Variants in COL19A1 observed in about 807,000 individuals in gnomAD.
The protein encoded by COL19A1 is collagen alpha-1(XIX) chain.
Under a neutral mutation model 190.2 loss-of-function variants are expected in COL19A1, and 159 were observed. The observed-to-expected ratio is 0.84, with a 90% CI of 0.73 to 0.95. The LOEUF is 0.95. COL19A1 is among the 40% of genes least tolerant of loss of function. The pLI is 0.00. For synonymous variants in COL19A1, 509 were observed against 458.9 expected (o/e 1.11, Z -1.39); for missense variants, 1,418 against 1,431.9 (o/e 0.99, Z 0.16).
At chr6:70,184,977 G>C (rs186497685) in intron 46 of COL19A1, 62 bp downstream of exon 46, 1 of 1,517,344 alleles carries the variant, frequency 6.6e-7, no homozygotes, top group Non-Finnish European at 9.0e-7. Flanking sequence ...CCCATCATTT[G>C]AGTTACACAA....
At chr6:70,021,129 T>C (rs2150103147) in intron 11 of COL19A1, among the ~76,000 whole-genome samples, 1 of 152,170 alleles carries the variant, frequency 6.6e-6, no homozygotes, top group East Asian at 1.9e-4. Flanking sequence ...TGAACCTTAT[T>C]TCACTACAGT....
At position 70,199,616 on chromosome 6, in the gene COL19A1, G is replaced by A. The variant is rs2150306393; in HGVS notation, c.3103G>A (p.Ala1035Thr). The change falls in exon 49 of 51, where the codon GCT becomes ACT. Residue 1035 changes from alanine to threonine, a missense_variant. Transcript: ENST00000620364. ...TTCTTCTATACATGAAGAGAGGATGGCTGTATTCCTATCCCAGCTCAAGCT... is the reference window on the plus strand; with the variant it reads ...TTCTTCTATACATGAAGAGAGGATGACTGTATTCCTATCCCAGCTCAAGCT... ...EVLRIFEERM[A>T]VFLSQLKLPA... is the part of the protein sequence containing the mutation. 2 of 1,595,638 alleles carry A rather than the reference G, an allele frequency of 1.3e-6. No homozygotes were observed. The highest frequency in any genetic ancestry group is 1.7e-6 in the Non-Finnish European group (2 of 1,169,436).
intron 2 of COL19A1, among the ~76,000 whole-genome samples, chr6:69,880,736 T>C (rs1051482602): frequency 6.6e-6 from 1 of 152,216 alleles, no homozygotes; most frequent in African/African-American, 2.4e-5. Flanking sequence ...GTGGCTGTCA[T>C]ACAATTTGGG....
chr6:69,921,444 TC>T (rs1298833510), intron 4 of COL19A1, among the ~76,000 whole-genome samples: 319 of 29,994 alleles, frequency 0.011, 9 homozygotes, highest in East Asian at 0.043. Context: ...ATCATATATA[TC>T]ATATATCATA....
intron 49 of COL19A1, among the ~76,000 whole-genome samples, chr6:70,202,211 T>A (rs1285035402): frequency 6.6e-6 from 1 of 152,168 alleles, no homozygotes; most frequent in Non-Finnish European, 1.5e-5. Flanking sequence ...TCATCCTGTC[T>A]GATGGTGGCT....
In COL19A1 at chr6:70,207,189, G is replaced by T. The variant is rs202027541; in HGVS notation, c.3344G>T (p.Gly1115Val). 1.2e-6 allele frequency: 2 copies of T among 1,613,132 alleles called. No homozygotes were observed. Among genetic ancestry groups the T allele is most frequent in the Admixed American group, 3.3e-5 (2 of 59,940 alleles). Reference sequence around the variant, plus strand: ...TCACCAGGTGCCCCAGGCCCACAGGGCCCCCCAGGACCCAGTGGAAGATGT... The same window carrying T: ...TCACCAGGTGCCCCAGGCCCACAGGTCCCCCCAGGACCCAGTGGAAGATGT... ...PGSPGAPGPQ[G>V]PPGPSGRCNP... The change falls in exon 51 of 51, where the codon GGC becomes GTC. Residue 1115 changes from glycine (G) to valine (V), a missense_variant. By Grantham distance (109) the Gly-to-Val change is moderately radical. Transcript: ENST00000620364.
intron 16 of COL19A1, among the ~76,000 whole-genome samples, chr6:70,104,985 A>G (rs1169230861): frequency 2.0e-5 from 3 of 152,194 alleles, no homozygotes; most frequent in Admixed American, 6.6e-5. Context: ...TCAATTCCGC[A>G]GACTTTAGTT....
At chr6:70,197,100 G>A (rs1767243905) in intron 48 of COL19A1, among the ~76,000 whole-genome samples, 1 of 152,016 alleles carries the variant, frequency 6.6e-6, no homozygotes, top group South Asian at 2.1e-4. Context: ...CGACATTGAA[G>A]GTATTTAAAC....
chr6:69,949,914 G>A (rs1774027729), intron 9 of COL19A1, among the ~76,000 whole-genome samples: 1 of 151,770 alleles, frequency 6.6e-6, no homozygotes, highest in Non-Finnish European at 1.5e-5. Flanking sequence ...CATAGAATAT[G>A]TATCTCAGGT....
intron 2 of COL19A1, among the ~76,000 whole-genome samples, chr6:69,880,108 A>T (rs1324354242): frequency 6.6e-6 from 1 of 152,224 alleles, no homozygotes; most frequent in Non-Finnish European, 1.5e-5. Context: ...TTCATTTTGT[A>T]GTATCTCAGA....
chr6:69,983,290 T>G (rs1220088743), intron 11 of COL19A1, among the ~76,000 whole-genome samples: 1 of 152,188 alleles, frequency 6.6e-6, no homozygotes, highest in Non-Finnish European at 1.5e-5. Context: ...TTGAATACTT[T>G]TAAATTTTAA....
Position 69,929,522 on chromosome 6 carries a change from T to G in COL19A1, c.488T>G (p.Leu163Arg). ...VLNYIFRNRE[L>R]RPLFDRQWHK... Reference sequence around the variant, plus strand: ...AACTACATTTTTAGAAATCGAGAACTCCGTCCTTTGTTTGATCGTCAGTGG... The same window carrying G: ...AACTACATTTTTAGAAATCGAGAACGCCGTCCTTTGTTTGATCGTCAGTGG... Residue 163 changes from leucine to arginine, a missense_variant, in exon 6 of 51, where the codon CTC becomes CGC. By Grantham distance (102) the Leu-to-Arg change is moderately radical. Transcript: ENST00000620364. The G allele has an allele frequency of 6.2e-7, 1 of 1,614,104 alleles. No homozygotes were observed. Among genetic ancestry groups the G allele is most frequent in the Non-Finnish European group, 8.5e-7 (1 of 1,179,988 alleles).
At chr6:69,918,240 A>G (rs1771443065) in intron 4 of COL19A1, among the ~76,000 whole-genome samples, 3 of 152,316 alleles carry the variant, frequency 2.0e-5, no homozygotes, top group East Asian at 1.9e-4. Context: ...TTAAAAGCTC[A>G]TTCTAGCTGC....
intron 4 of COL19A1, among the ~76,000 whole-genome samples, chr6:69,900,574 A>G (rs1424787705): frequency 6.6e-6 from 1 of 152,174 alleles, no homozygotes; most frequent in African/African-American, 2.4e-5. Flanking sequence ...TCATTAGAGA[A>G]CAGTAATTAA....
rs563239591 is a variant in COL19A1 at position 69,918,931 on chromosome 6, A to G, written c.267-8978A>G. Among the ~76,000 whole-genome samples the G allele has an allele frequency of 2.9e-3, 436 of 152,296 alleles. 1 individual carries two copies. Among genetic ancestry groups the G allele is most frequent in the Non-Finnish European group, 4.4e-3 (300 of 68,028 alleles). ...GTTCAATTTCAGTTATTTAATTACA[A>G]TGCCTTTCCCCTCCACGTGGAGATG... On this transcript the variant is annotated intron_variant, in intron 4 of 50. Coordinates refer to ENST00000620364, the MANE Select transcript of COL19A1 (RefSeq NM_001858.6).
intron 15 of COL19A1, among the ~76,000 whole-genome samples, chr6:70,090,522 G>C (rs960895157): frequency 6.6e-6 from 1 of 152,000 alleles, no homozygotes; most frequent in Non-Finnish European, 1.5e-5. Flanking sequence ...TTGGACAGTG[G>C]GGATCTGGAA....
chr6:69,867,031 CA>C (rs969274446), intron 1 of COL19A1, among the ~76,000 whole-genome samples: 18 of 148,544 alleles, frequency 1.2e-4, no homozygotes, highest in Admixed American at 3.3e-4. Flanking sequence ...AAATACATTA[CA>C]AAAAAAATGG....
chr6:70,184,887 C>A lies in COL19A1; in HGVS notation c.2828C>A (p.Pro943His), dbSNP rs752086442. 3 of 1,613,178 alleles carry A rather than the reference C, an allele frequency of 1.9e-6. No homozygotes were observed. The highest frequency in any genetic ancestry group is 1.1e-5 in the South Asian group (1 of 90,968). The change falls in exon 46 of 51, where the codon CCT becomes CAT. Residue 943 changes from proline (P) to histidine (H), a missense_variant. Physicochemically the swap from Pro to His is moderately conservative, Grantham distance 77. Transcript: ENST00000620364. Reference protein sequence around the residue: ...IPGAQGIMGKPGDRGPKGERG... With the variant: ...IPGAQGIMGKHGDRGPKGERG... ...GTTTTTCAGGGCATCATGGGTAAGC[C>A]TGGAGACAGAGGCCCCAAAGGAGAA...
chr6:70,058,199 A>G (rs1277707198), intron 14 of COL19A1, among the ~76,000 whole-genome samples: 2 of 152,078 alleles, frequency 1.3e-5, no homozygotes, highest in Non-Finnish European at 2.9e-5. Flanking sequence ...ATGGGAAAAG[A>G]TTATGATTAA....
Sources: allele counts gnomAD v4.1 joint callset (sites outside exome capture counted in the v4.1 genomes callset), GRCh38; gene constraint gnomAD v4.1.1; transcripts MANE v1.5; gene names NCBI Gene and HGNC (gene_info 2026-07-23, HGNC 2026-07-21).